Variants in GLIS3 observed in about 807,000 individuals in gnomAD.
GLIS3 encodes zinc finger protein GLIS3.
Under a neutral mutation model 78.6 loss-of-function variants are expected in GLIS3, and 53 were observed. The observed-to-expected ratio is 0.67, with a 90% CI of 0.54 to 0.85. The LOEUF (loss-of-function observed/expected upper bound fraction) is 0.85, where lower values mean the gene tolerates loss of function less well. Among genes scored for constraint, GLIS3 ranks in the 40% least tolerant of loss-of-function variants. The pLI, the probability that GLIS3 is intolerant of heterozygous loss-of-function variation, is 0.00. For synonymous variants in GLIS3, 684 were observed against 509.9 expected (o/e 1.34, Z -4.60); for missense variants, 1,703 against 1,231.1 (o/e 1.38, Z -5.74).
At chr9:4,311,485 C>G (rs192659529) in intron 2 of GLIS3, among the ~76,000 whole-genome samples, 1 of 152,308 alleles carries the variant, frequency 6.6e-6, no homozygotes, top group East Asian at 1.9e-4. Flanking sequence ...GAGAAGCAGT[C>G]CACAAGCTTC....
Position 4,153,468 on chromosome 9 carries a change from G to A in GLIS3, c.389-27527C>T, listed in dbSNP as rs574908167. On this transcript the variant is annotated intron_variant, in intron 2 of 10. Transcript: ENST00000381971. ...AATACCAGCTACTTAGGAGGCTGAG[G>A]AAGGAGAATCACTTCAGCCCAGGAG... Among the ~76,000 whole-genome samples the A allele has an allele frequency of 2.6e-5, 4 of 152,240 alleles. 1 individual carries two copies. Among genetic ancestry groups the A allele is most frequent in the African/African-American group, 9.6e-5 (4 of 41,556 alleles).
At chr9:4,093,243 A>G (rs1829671839) in intron 4 of GLIS3, among the ~76,000 whole-genome samples, 1 of 150,808 alleles carries the variant, frequency 6.6e-6, no homozygotes. Flanking sequence ...GCTCTTAATC[A>G]CTATGCTATG....
At chr9:3,981,441 A>G (rs953874449) in intron 4 of GLIS3, among the ~76,000 whole-genome samples, 2 of 152,168 alleles carry the variant, frequency 1.3e-5, no homozygotes, top group African/African-American at 4.8e-5. Context: ...CCTCTTCACC[A>G]TAAGGATCAT....
At chr9:3,873,937 A>G (rs901740506) in intron 8 of GLIS3, among the ~76,000 whole-genome samples, 2 of 152,078 alleles carry the variant, frequency 1.3e-5, no homozygotes, top group Non-Finnish European at 2.9e-5. Context: ...CACTAGATTG[A>G]ATACTCTCCA....
chr9:4,111,200 T>C (rs1394960622), intron 4 of GLIS3, among the ~76,000 whole-genome samples: 1 of 152,190 alleles, frequency 6.6e-6, no homozygotes, highest in Non-Finnish European at 1.5e-5. Context: ...TTTCAAGGCA[T>C]GAAATTAGAG....
At chr9:4,260,064 G>A (rs1016864832) in intron 2 of GLIS3, among the ~76,000 whole-genome samples, 1 of 135,260 alleles carries the variant, frequency 7.4e-6, no homozygotes, top group African/African-American at 2.8e-5. Context: ...TAGAAGGAAC[G>A]ATAGTGACCT....
chr9:4,221,531 G>T (rs1226522265), intron 2 of GLIS3, among the ~76,000 whole-genome samples: 1 of 152,110 alleles, frequency 6.6e-6, no homozygotes, highest in Non-Finnish European at 1.5e-5. Flanking sequence ...AATTAGTGAA[G>T]CAAGAGGCTT....
chr9:4,139,039 G>T (rs1459179376), intron 2 of GLIS3, among the ~76,000 whole-genome samples: 1 of 152,202 alleles, frequency 6.6e-6, no homozygotes, highest in African/African-American at 2.4e-5. Flanking sequence ...ATCTCAGGGT[G>T]AGACCAGGCT....
At chr9:4,386,379 TTTC>T in the GLIS3 span, 1 of 69,762 alleles carries the variant, frequency 1.4e-5, no homozygotes, top group South Asian at 4.1e-4. Context: ...TTTTCTTCAT[TTTC>T]TTTTCTTTTT....
the GLIS3 span, among the ~76,000 whole-genome samples, chr9:4,375,868 A>C: frequency 6.6e-6 from 1 of 152,188 alleles, no homozygotes; most frequent in Non-Finnish European, 1.5e-5. Flanking sequence ...ATTCCTAAGA[A>C]ACTTTGGAAT....
chr9:4,086,448 C>T (rs763198458), intron 4 of GLIS3, among the ~76,000 whole-genome samples: 13 of 152,338 alleles, frequency 8.5e-5, no homozygotes, highest in South Asian at 2.1e-4. Flanking sequence ...GGATCCTATT[C>T]GTGGTATTCC....
At chr9:4,297,456 A>C (rs1021167573) in intron 1 of GLIS3, among the ~76,000 whole-genome samples, 9 of 152,184 alleles carry the variant, frequency 5.9e-5, no homozygotes, top group Non-Finnish European at 1.5e-5. Context: ...CCCATACTAA[A>C]GGGACCTGGT....
chr9:4,326,524 A>T (rs926819959), intron 2 of GLIS3, among the ~76,000 whole-genome samples: 1 of 151,760 alleles, frequency 6.6e-6, no homozygotes, highest in African/African-American at 2.4e-5. Context: ...AAAGTGGAGT[A>T]GTGTTTACCA....
At chr9:4,126,053 AT>A (rs574545416) in intron 2 of GLIS3, 112 bp from the exon 3 acceptor site, 41,014 of 494,190 alleles carry the variant, frequency 0.083, 1 homozygote, top group South Asian at 0.12. Flanking sequence ...TCCTCAGATC[AT>A]TTTTTTTTTT....
intron 2 of GLIS3, among the ~76,000 whole-genome samples, chr9:4,216,899 A>C (rs1190508295): frequency 2.0e-5 from 3 of 152,236 alleles, no homozygotes; most frequent in African/African-American, 7.2e-5. Flanking sequence ...CTTGAATAGC[A>C]AATTGAAATT....
intron 2 of GLIS3, among the ~76,000 whole-genome samples, chr9:4,271,756 G>C (rs531783794): frequency 6.6e-6 from 1 of 152,224 alleles, no homozygotes; most frequent in South Asian, 2.1e-4. Context: ...GCAGTAGAAA[G>C]CACTGATCTC....
intron 4 of GLIS3, among the ~76,000 whole-genome samples, chr9:4,060,013 T>G (rs564323562): frequency 1.3e-5 from 2 of 152,166 alleles, no homozygotes; most frequent in Non-Finnish European, 2.9e-5. Context: ...TTTTAAGGCA[T>G]GTTGAATTCC....
At chr9:4,113,178 T>G (rs1304187674) in intron 4 of GLIS3, among the ~76,000 whole-genome samples, 1 of 152,140 alleles carries the variant, frequency 6.6e-6, no homozygotes, top group Non-Finnish European at 1.5e-5. Flanking sequence ...ATGTAATATA[T>G]ATATGCGTAT....
chr9:3,830,616 G>A (rs1817991444), intron 9 of GLIS3, among the ~76,000 whole-genome samples: 1 of 152,120 alleles, frequency 6.6e-6, no homozygotes, highest in Non-Finnish European at 1.5e-5. Flanking sequence ...GGAAAAAAAG[G>A]GATTAATAGA....
Sources: gnomAD v4.1 joint callset for allele counts (sites outside exome capture counted in the v4.1 genomes callset) on GRCh38, gnomAD v4.1.1 for gene constraint, MANE v1.5 for transcripts, NCBI Gene and HGNC (gene_info 2026-07-23, HGNC 2026-07-21) for gene names.